SSPN: variants seen among roughly 807,000 people sequenced by gnomAD.
SSPN encodes sarcospan, also known as K-ras oncogene-associated protein.
Under a neutral mutation model 19.1 loss-of-function variants are expected in SSPN, and 15 were observed. The observed-to-expected ratio is 0.78, with a 90% CI of 0.52 to 1.21. SSPN has a LOEUF of 1.21. Among genes scored for constraint, SSPN ranks in the 50% most tolerant of loss-of-function variants. SSPN has a pLI of 0.00. For missense variants in SSPN, 291 were observed against 314.0 expected, an observed-to-expected ratio of 0.93 and a Z score of 0.55; for synonymous variants, 147 against 140.3, an observed-to-expected ratio of 1.05 and a Z score of -0.34.
chr12:26,205,401 C>T (rs1313162109), intron 1 of SSPN, among the ~76,000 whole-genome samples: 7 of 152,220 alleles, frequency 4.6e-5, no homozygotes, highest in Middle Eastern at 3.4e-3. Flanking sequence ...TAGACTTTGA[C>T]GAGCGAGAGA....
chr12:26,139,472 T>C (rs1467321577), intron 1 of SSPN, among the ~76,000 whole-genome samples: 16 of 152,228 alleles, frequency 1.1e-4, no homozygotes, highest in Admixed American at 1.0e-3. Flanking sequence ...TAACTATAAA[T>C]GTGACACTTT....
chr12:26,194,055 A>G (rs1303986991), upstream of SSPN, among the ~76,000 whole-genome samples: 1 of 152,212 alleles, frequency 6.6e-6, no homozygotes, highest in Non-Finnish European at 1.5e-5. Context: ...CCTTTATCCT[A>G]ACATCTTGGC....
intron 1 of SSPN, among the ~76,000 whole-genome samples, chr12:26,172,144 TC>T (rs1944656957): frequency 6.6e-6 from 1 of 152,236 alleles, no homozygotes; most frequent in Admixed American, 6.5e-5. Flanking sequence ...ACTCCTGGCT[TC>T]AAACCATCCT....
intron 1 of SSPN, among the ~76,000 whole-genome samples, chr12:26,150,196 G>A (rs1346588512): frequency 6.6e-6 from 1 of 152,176 alleles, no homozygotes; most frequent in African/African-American, 2.4e-5. Context: ...AGCAGAAATG[G>A]GTTTGACTCC....
upstream of SSPN, among the ~76,000 whole-genome samples, chr12:26,192,818 T>C (rs1944797377): frequency 6.6e-6 from 1 of 152,242 alleles, no homozygotes; most frequent in African/African-American, 2.4e-5. Context: ...GTAAGCTTTT[T>C]TAAAAAGTAT....
intron 1 of SSPN, among the ~76,000 whole-genome samples, chr12:26,220,182 G>A (rs59085537): frequency 0.17 from 24,386 of 144,282 alleles, 2,676 homozygotes; most frequent in Admixed American, 0.33. Flanking sequence ...TCTAAAACAT[G>A]CTTACACTGA....
intron 1 of SSPN, among the ~76,000 whole-genome samples, chr12:26,213,280 A>C (rs1945011544): frequency 6.6e-6 from 1 of 152,086 alleles, no homozygotes; most frequent in Non-Finnish European, 1.5e-5. Context: ...AAAAAGAGTC[A>C]GGAAAAGAAG....
intron 1 of SSPN, among the ~76,000 whole-genome samples, chr12:26,207,138 TGGA>T (rs1244279498): frequency 1.3e-5 from 2 of 152,236 alleles, no homozygotes; most frequent in Admixed American, 1.3e-4. Flanking sequence ...ACTCCAGCTT[TGGA>T]GTAAGGGTAG....
At chr12:26,136,759 T>C (rs752685083) in intron 1 of SSPN, among the ~76,000 whole-genome samples, 1 of 152,228 alleles carries the variant, frequency 6.6e-6, no homozygotes, top group Non-Finnish European at 1.5e-5. Flanking sequence ...TAATGAGATA[T>C]AGTTAAGAGT....
At chr12:26,167,281 C>T (rs1343196769) in intron 1 of SSPN, among the ~76,000 whole-genome samples, 2 of 152,034 alleles carry the variant, frequency 1.3e-5, no homozygotes, top group Non-Finnish European at 2.9e-5. Flanking sequence ...TGATTTTTTT[C>T]ATCTCAATTT....
At chr12:26,150,752 A>T (rs2137415194) in intron 1 of SSPN, among the ~76,000 whole-genome samples, 1 of 152,332 alleles carries the variant, frequency 6.6e-6, no homozygotes, top group South Asian at 2.1e-4. Context: ...GGATTTTGGA[A>T]GGAGGCATAA....
chr12:26,169,910 A>G (rs968837180), intron 1 of SSPN, among the ~76,000 whole-genome samples: 3 of 152,330 alleles, frequency 2.0e-5, no homozygotes, highest in Middle Eastern at 3.4e-3. Context: ...GACCCTAGAA[A>G]ATGCTCTAGC....
chr12:26,207,810 G>A (rs1031305849), intron 1 of SSPN, among the ~76,000 whole-genome samples: 2 of 152,082 alleles, frequency 1.3e-5, no homozygotes, highest in Non-Finnish European at 2.9e-5. Flanking sequence ...GGGCAACATG[G>A]CAAAACCCCG....
intron 1 of SSPN, among the ~76,000 whole-genome samples, chr12:26,212,783 T>C (rs1945004078): frequency 6.6e-6 from 1 of 152,180 alleles, no homozygotes; most frequent in African/African-American, 2.4e-5. Flanking sequence ...CATAAAAAGT[T>C]GTTGCTAGCT....
At chr12:26,213,451 T>G (rs1420284874) in intron 1 of SSPN, among the ~76,000 whole-genome samples, 1 of 152,060 alleles carries the variant, frequency 6.6e-6, no homozygotes, top group African/African-American at 2.4e-5. Context: ...GGAGGTGGGT[T>G]TTGAACCATT....
chr12:26,190,079 C>G (rs1944778300), intron 1 of SSPN, among the ~76,000 whole-genome samples: 2 of 152,164 alleles, frequency 1.3e-5, no homozygotes, highest in Non-Finnish European at 2.9e-5. Flanking sequence ...GAAGAACAAT[C>G]CATGAACAAA....
At chr12:26,160,347 C>G (rs887475952) in intron 1 of SSPN, among the ~76,000 whole-genome samples, 6 of 152,234 alleles carry the variant, frequency 3.9e-5, no homozygotes, top group African/African-American at 1.4e-4. Flanking sequence ...GCCTTTTGCT[C>G]TTAAATGGGC....
In SSPN at chr12:26,188,029, T is replaced by A. The variant is rs1871556; in HGVS notation, c.-30-36264T>A. 2.0e-5 allele frequency among the ~76,000 whole-genome samples: 3 copies of A among 152,332 alleles called. No homozygotes were observed. In the South Asian group the frequency reaches 6.2e-4, roughly 32 times the overall value. On this transcript the variant is annotated intron_variant, in intron 1 of 2. Transcript: ENST00000538142. ...CTGGCTAACAGTGACTGATTATTGATCCACACCAGGAAATGTTCTCCATGT... is the reference window on the plus strand; with the variant it reads ...CTGGCTAACAGTGACTGATTATTGAACCACACCAGGAAATGTTCTCCATGT...
At chr12:26,211,026 G>A (rs975283008) in intron 1 of SSPN, 1 of 152,128 alleles carries the variant, frequency 6.6e-6, no homozygotes, top group Non-Finnish European at 1.5e-5. Context: ...AGCTGAGCAG[G>A]ATTTGACGAA....
Sources: gnomAD v4.1 joint callset for allele counts (sites outside exome capture counted in the v4.1 genomes callset) on GRCh38, gnomAD v4.1.1 for gene constraint, MANE v1.5 for transcripts, NCBI Gene and HGNC (gene_info 2026-07-23, HGNC 2026-07-21) for gene names.